The following CAMTA1 variants were observed in gnomAD, a reference collection of about 807,000 sequenced individuals.
The protein encoded by CAMTA1 is calmodulin-binding transcription activator 1.
Under a neutral mutation model 170.9 loss-of-function variants are expected in CAMTA1, and 27 were observed. The ratio of observed to expected loss-of-function variants is 0.16; its 90% CI spans 0.12 to 0.22. The LOEUF is 0.22. Among genes scored for constraint, CAMTA1 ranks in the 10% least tolerant of loss-of-function variants. The pLI, the probability that CAMTA1 is intolerant of heterozygous loss-of-function variation, is 1.00. For missense variants in CAMTA1, 1,619 were observed against 2,217.2 expected (o/e 0.73, Z 5.42); for synonymous variants, 833 against 891.5 (o/e 0.93, Z 1.17).
intron 3 of CAMTA1, among the ~76,000 whole-genome samples, chr1:7,071,051 T>C (rs1189763278): frequency 6.6e-6 from 1 of 152,078 alleles, no homozygotes. Context: ...TGAGAGAGAG[T>C]GTGCCAGTCA....
chr1:7,187,675 A>G (rs1197344917), intron 4 of CAMTA1, among the ~76,000 whole-genome samples: 1 of 152,176 alleles, frequency 6.6e-6, no homozygotes, highest in Non-Finnish European at 1.5e-5. Flanking sequence ...TGCCCTCTGG[A>G]TTTCAGAAAA....
At chr1:7,229,300 G>T (rs1490840748) in intron 4 of CAMTA1, among the ~76,000 whole-genome samples, 1 of 150,840 alleles carries the variant, frequency 6.6e-6, no homozygotes, top group African/African-American at 2.4e-5. Context: ...CTGTTCCCAG[G>T]GAGCCGGGAA....
chr1:7,554,896 G>T (rs1466228331), intron 6 of CAMTA1, among the ~76,000 whole-genome samples: 1 of 151,738 alleles, frequency 6.6e-6, no homozygotes, highest in African/African-American at 2.4e-5. Context: ...GATGGTGGGG[G>T]CCCAAATCTG....
Position 7,633,646 on chromosome 1 carries a change from C to T in CAMTA1, c.511-6754C>T, listed in dbSNP as rs995185106. On this transcript the variant is annotated intron_variant, in intron 6 of 22. Coordinates refer to ENST00000303635, the MANE Select transcript of CAMTA1 (RefSeq NM_015215.4). This position sits in a 1 kb window ranked among gnomAD's most constrained non-coding sequence, Gnocchi z 4.1. ...GGTGCCCCCTAGCAGGCTTGTTGGC[C>T]CGTGTGCTGGAGCAGCTTGGCGGCA... Among the ~76,000 whole-genome samples the T allele has an allele frequency of 1.5e-4, 23 of 152,236 alleles. No homozygotes were observed. The highest frequency in any genetic ancestry group is 1.5e-3 in the Admixed American group (23 of 15,294).
intron 4 of CAMTA1, among the ~76,000 whole-genome samples, chr1:7,223,813 G>A (rs961443338): frequency 4.6e-5 from 7 of 152,132 alleles, no homozygotes; most frequent in Admixed American, 3.3e-4. Context: ...GAGTTTCCAC[G>A]TGGTTCATGA....
intron 4 of CAMTA1, among the ~76,000 whole-genome samples, chr1:7,192,762 T>A (rs1654780172): frequency 6.6e-6 from 1 of 152,118 alleles, no homozygotes; most frequent in African/African-American, 2.4e-5. Flanking sequence ...TGGGATTATG[T>A]AGGTTACATT....
chr1:7,621,260 G>A (rs1053445868), intron 6 of CAMTA1, among the ~76,000 whole-genome samples: 1 of 152,216 alleles, frequency 6.6e-6, no homozygotes, highest in Non-Finnish European at 1.5e-5. Flanking sequence ...AAGGGCTCTG[G>A]GAGGACCCCC....
At chr1:6,818,681 C>T (rs192491951) in intron 1 of CAMTA1, among the ~76,000 whole-genome samples, 163 of 152,178 alleles carry the variant, frequency 1.1e-3, no homozygotes, top group Middle Eastern at 0.01. Flanking sequence ...CTCTGTCATC[C>T]AGGCGGGAGT....
chr1:6,800,012 A>G (rs765294623), intron 1 of CAMTA1, among the ~76,000 whole-genome samples: 1 of 152,110 alleles, frequency 6.6e-6, no homozygotes, highest in Non-Finnish European at 1.5e-5. Flanking sequence ...CTCAAGCTGT[A>G]TGGGGGGATT....
chr1:7,410,787 G>A (rs1407594971), intron 5 of CAMTA1, among the ~76,000 whole-genome samples: 1 of 152,206 alleles, frequency 6.6e-6, no homozygotes, highest in African/African-American at 2.4e-5. Flanking sequence ...TGCAGATGCT[G>A]TGGAAAAGCA....
At chr1:7,154,417 T>A (rs1646749551) in intron 4 of CAMTA1, among the ~76,000 whole-genome samples, 1 of 152,182 alleles carries the variant, frequency 6.6e-6, no homozygotes, top group Non-Finnish European at 1.5e-5. Flanking sequence ...GGGGTTTATC[T>A]TCAGCTCTCC....
chr1:7,449,311 C>T (rs1447657234), intron 5 of CAMTA1, among the ~76,000 whole-genome samples: 1 of 152,198 alleles, frequency 6.6e-6, no homozygotes, highest in Non-Finnish European at 1.5e-5. Flanking sequence ...TTTTCTGACA[C>T]GAGGTCTCTA....
intron 6 of CAMTA1, among the ~76,000 whole-genome samples, chr1:7,498,270 G>A (rs2093870421): frequency 6.7e-6 from 1 of 149,908 alleles, no homozygotes; most frequent in African/African-American, 2.5e-5. Context: ...GAGAGAGCGT[G>A]TGTGAGTGTG....
intron 1 of CAMTA1, among the ~76,000 whole-genome samples, chr1:6,802,894 G>A (rs1476769410): frequency 6.6e-6 from 1 of 152,162 alleles, no homozygotes; most frequent in Admixed American, 6.5e-5. Flanking sequence ...ACAGGCATAT[G>A]CCACAACGCC....
rs1318757695 is a variant in CAMTA1 at position 7,173,222 on chromosome 1, C to T, written c.303-76269C>T. ...CCCAGCTTTACAGCTTCCCAGTTCT[C>T]TGGCCTCAGGCACATCATCCTAAAC... On this transcript the variant is annotated intron_variant, in intron 4 of 22. Coordinates refer to ENST00000303635, the MANE Select transcript of CAMTA1 (RefSeq NM_015215.4). The surrounding 1 kb of genome is among the most constrained non-coding windows in gnomAD (Gnocchi z 5.4). Among the ~76,000 whole-genome samples the T allele has an allele frequency of 1.3e-5, 2 of 152,194 alleles. No individual in the cohort carries two copies. Among genetic ancestry groups the T allele is most frequent in the Non-Finnish European group, 2.9e-5 (2 of 68,036 alleles).
rs542514156 is a variant in CAMTA1 at position 7,739,566 on chromosome 1, C to T, written c.4182+1084C>T. 3.5e-4 allele frequency among the ~76,000 whole-genome samples: 54 copies of T among 152,242 alleles called. No homozygotes were observed. The South Asian group carries it at 5.8e-3, about 16-fold the overall frequency. On this transcript the variant is annotated intron_variant, in intron 16 of 22. Transcript: ENST00000303635. The stretch of plus-strand genomic sequence containing the variant: ...AAGAGGTTTAATGGACTTACAGTTC[C>T]ACGTGGTTGGGGAGGCCTCACAATC...
rs1274331792 is a variant in CAMTA1, at chr1:7,588,247, C to T, written c.511-52153C>T. ...AGCTCCTGTGGCCAGACAACCCCCG[C>T]CCCAGTTCTCACTGCCTCTGACACC... On this transcript the variant is annotated intron_variant, in intron 6 of 22. Coordinates refer to ENST00000303635, the MANE Select transcript of CAMTA1 (RefSeq NM_015215.4). This position sits in a 1 kb window ranked among gnomAD's most constrained non-coding sequence, Gnocchi z 5.8. Among the ~76,000 whole-genome samples the T allele has an allele frequency of 1.3e-5, 2 of 152,104 alleles. No individual in the cohort carries two copies. Among genetic ancestry groups the T allele is most frequent in the Non-Finnish European group, 2.9e-5 (2 of 68,042 alleles).
At position 7,397,001 on chromosome 1, in the gene CAMTA1, A is replaced by G. The variant is rs759278412; in HGVS notation, c.439-70829A>G. ...CTTTTCTGGTTTTGGTATCAGGGTA[A>G]TGCCAGCCTCACAGAATGAGTTTGG... On this transcript the variant is annotated intron_variant, in intron 5 of 22. Coordinates refer to ENST00000303635, the MANE Select transcript of CAMTA1 (RefSeq NM_015215.4). Among the ~76,000 whole-genome samples, 8 of 152,258 alleles carry G rather than the reference A, an allele frequency of 5.3e-5. No homozygotes were observed. The South Asian group carries it at 1.5e-3, about 28-fold the overall frequency.
intron 5 of CAMTA1, among the ~76,000 whole-genome samples, chr1:7,270,286 TATA>T (rs1669571683): frequency 1.6e-5 from 2 of 122,330 alleles, no homozygotes; most frequent in African/African-American, 6.7e-5. Flanking sequence ...TATATATATA[TATA>T]TATTTTTTTT....
Sources: allele counts gnomAD v4.1 joint callset (sites outside exome capture counted in the v4.1 genomes callset), GRCh38; gene constraint gnomAD v4.1.1; non-coding constraint Gnocchi (gnomAD v3.1); transcripts MANE v1.5; gene names NCBI Gene and HGNC (gene_info 2026-07-23, HGNC 2026-07-21).